Variants in PTPRT observed in about 807,000 individuals in gnomAD.
PTPRT encodes the protein receptor-type tyrosine-protein phosphatase T.
Under a neutral mutation model 176.8 loss-of-function variants are expected in PTPRT, and 56 were observed. That is an observed-to-expected ratio of 0.32 (90% CI 0.26 to 0.40). The LOEUF (loss-of-function observed/expected upper bound fraction) is 0.40, where lower values mean the gene tolerates loss of function less well. Among genes scored for constraint, PTPRT ranks in the 10% least tolerant of loss-of-function variants. PTPRT has a pLI of 1.00. For synonymous variants in PTPRT, 783 were observed against 739.0 expected, an observed-to-expected ratio of 1.06 and a Z score of -0.96; for missense variants, 1,540 against 1,908.2, an observed-to-expected ratio of 0.81 and a Z score of 3.60.
chr20:42,532,465 G>A (rs2145546502), intron 7 of PTPRT, among the ~76,000 whole-genome samples: 1 of 152,228 alleles, frequency 6.6e-6, no homozygotes, highest in East Asian at 1.9e-4. Context: ...GCAGTGGCAT[G>A]ATCATAGTTC....
chr20:43,013,504 C>T (rs949338433), intron 1 of PTPRT, among the ~76,000 whole-genome samples: 1 of 152,128 alleles, frequency 6.6e-6, no homozygotes, highest in African/African-American at 2.4e-5. Context: ...AATAAAAGAA[C>T]AAACAGGTGG....
At chr20:42,414,083 C>T (rs1391056195) in intron 9 of PTPRT, among the ~76,000 whole-genome samples, 1 of 152,162 alleles carries the variant, frequency 6.6e-6, no homozygotes, top group Non-Finnish European at 1.5e-5. Context: ...CAGCCCGCCT[C>T]CGCTTCCCAA....
intron 1 of PTPRT, among the ~76,000 whole-genome samples, chr20:43,113,829 A>C (rs901149546): frequency 2.6e-5 from 4 of 152,240 alleles, no homozygotes; most frequent in African/African-American, 9.6e-5. Context: ...GGTATTCCCG[A>C]ATCTCTTGTT....
intron 6 of PTPRT, among the ~76,000 whole-genome samples, chr20:42,732,678 G>A (rs1452637027): frequency 6.6e-6 from 1 of 152,208 alleles, no homozygotes; most frequent in East Asian, 1.9e-4. Context: ...CTTGTTGCAA[G>A]TTTCTTGCTG....
rs1982601751 is a variant in PTPRT, at chr20:42,074,669, G to A, written c.*6210C>T. 2.0e-5 allele frequency: 8 copies of A among 397,602 alleles called. No homozygotes were observed. In the Admixed American group the frequency reaches 3.1e-4, roughly 15 times the overall value. 24.6% of individuals were successfully genotyped at this position (397,602 alleles called of 1,614,324 possible). On this transcript the variant is annotated 3_prime_UTR_variant, in exon 31 of 31. Coordinates refer to ENST00000373187, the MANE Select transcript of PTPRT (RefSeq NM_007050.6). ...ACCACCCCTGAGCTCTTAGATAGGT[G>A]GGATGCTAGGTTTGGAGGCTACCAT...
At chr20:42,291,329 C>T (rs2057313509) in intron 12 of PTPRT, among the ~76,000 whole-genome samples, 1 of 152,178 alleles carries the variant, frequency 6.6e-6, no homozygotes, top group South Asian at 2.1e-4. Context: ...CCTCATAGAG[C>T]ATGCAGACCT....
In PTPRT at chr20:42,913,962, C is replaced by G. The variant is rs1175397835; in HGVS notation, c.89-28030G>C. On this transcript the variant is annotated intron_variant, in intron 1 of 30. Coordinates refer to ENST00000373187, the MANE Select transcript of PTPRT (RefSeq NM_007050.6). ...TCCATGTAATACATATTAATTCATT[C>G]CCTAATGTTGAATTTTCCTTACAAT... Among the ~76,000 whole-genome samples, 6 of 152,260 alleles carry G rather than the reference C, an allele frequency of 3.9e-5. 1 individual carries two copies. Among genetic ancestry groups the G allele is most frequent in the Admixed American group, 3.9e-4 (6 of 15,280 alleles).
intron 1 of PTPRT, among the ~76,000 whole-genome samples, chr20:42,915,184 T>A (rs1293022359): frequency 6.6e-6 from 1 of 152,230 alleles, no homozygotes; most frequent in Non-Finnish European, 1.5e-5. Flanking sequence ...GCTTTTGCTA[T>A]TTTAGGGCCT....
At chr20:42,086,747 AAAAAAAAT>A (rs1983978871) in intron 27 of PTPRT, among the ~76,000 whole-genome samples, 1 of 58,760 alleles carries the variant, frequency 1.7e-5, no homozygotes. Context: ...AAAAAAAAAA[AAAAAAAAT>A]ATATATATAT....
intron 1 of PTPRT, among the ~76,000 whole-genome samples, chr20:43,066,985 T>C (rs1233800871): frequency 6.6e-6 from 1 of 152,226 alleles, no homozygotes; most frequent in African/African-American, 2.4e-5. Context: ...TTTATAGAAA[T>C]GTTTGCTGAG....
At chr20:42,141,149 C>T (rs772018078) in intron 18 of PTPRT, among the ~76,000 whole-genome samples, 5 of 152,180 alleles carry the variant, frequency 3.3e-5, no homozygotes, top group Admixed American at 2.0e-4. Context: ...CATGCCTTCC[C>T]CTGCAGGCTC....
intron 1 of PTPRT, among the ~76,000 whole-genome samples, chr20:43,149,916 G>A (rs186322378): frequency 6.6e-6 from 1 of 152,272 alleles, no homozygotes; most frequent in African/African-American, 2.4e-5. Context: ...AAGGGTCCAG[G>A]GAAGAAACGT....
At chr20:42,534,897 A>G (rs1053309932) in intron 7 of PTPRT, among the ~76,000 whole-genome samples, 2 of 152,176 alleles carry the variant, frequency 1.3e-5, no homozygotes, top group Non-Finnish European at 1.5e-5. Flanking sequence ...CAACAATGGT[A>G]CGTATTTGTT....
chr20:42,358,497 C>T (rs1351858852), intron 9 of PTPRT, among the ~76,000 whole-genome samples: 1 of 152,138 alleles, frequency 6.6e-6, no homozygotes, highest in African/African-American at 2.4e-5. Context: ...GAAGATGGCT[C>T]TTATGAGCAT....
chr20:42,208,071 A>C (rs7270412), intron 15 of PTPRT, among the ~76,000 whole-genome samples: 1,679 of 126,582 alleles, frequency 0.013, 30 homozygotes, highest in African/African-American at 0.053. Flanking sequence ...GAAATAAAAT[A>C]CTTTACAGAC....
intron 1 of PTPRT, among the ~76,000 whole-genome samples, chr20:43,097,862 G>T (rs985321397): frequency 3.9e-5 from 6 of 152,198 alleles, no homozygotes; most frequent in Admixed American, 3.9e-4. Context: ...AGTATCTTCT[G>T]TGTGGCTCTG....
At chr20:42,269,669 T>C (rs1185612858) in intron 13 of PTPRT, among the ~76,000 whole-genome samples, 2 of 152,222 alleles carry the variant, frequency 1.3e-5, no homozygotes, top group Non-Finnish European at 2.9e-5. Context: ...ATACAGACTC[T>C]GGACTGGGCG....
intron 2 of PTPRT, among the ~76,000 whole-genome samples, chr20:42,857,324 C>G (rs927321082): frequency 3.9e-5 from 6 of 152,160 alleles, no homozygotes; most frequent in African/African-American, 1.2e-4. Context: ...AGTTTCCTGA[C>G]AGTGTGAAGT....
intron 1 of PTPRT, among the ~76,000 whole-genome samples, chr20:43,075,546 C>G (rs928417324): frequency 6.6e-6 from 1 of 152,208 alleles, no homozygotes; most frequent in African/African-American, 2.4e-5. Flanking sequence ...CACATATGGG[C>G]CCCAGCAGCA....
Sources: gnomAD v4.1 joint callset for allele counts (sites outside exome capture counted in the v4.1 genomes callset) on GRCh38, gnomAD v4.1.1 for gene constraint, MANE v1.5 for transcripts, NCBI Gene and HGNC (gene_info 2026-07-23, HGNC 2026-07-21) for gene names.